The following TDRD3 variants were observed in gnomAD, a reference collection of about 807,000 sequenced individuals.
TDRD3 encodes the protein tudor domain-containing protein 3.
A neutral mutation model predicts 86.7 loss-of-function variants in TDRD3; 45 were observed. That is an observed-to-expected ratio of 0.52 (90% CI 0.41 to 0.67). The LOEUF is 0.67. Ranked by LOEUF, TDRD3 falls within the 30% of genes least tolerant of loss-of-function variation. TDRD3 has a pLI of 0.00. For synonymous variants in TDRD3, 298 were observed against 301.7 expected (o/e 0.99, Z 0.13); for missense variants, 814 against 889.0 (o/e 0.92, Z 1.07).
intron 1 of TDRD3, among the ~76,000 whole-genome samples, chr13:60,428,282 G>A (rs752124682): frequency 7.9e-5 from 12 of 151,196 alleles, no homozygotes; most frequent in Non-Finnish European, 1.0e-4. Context: ...CTTCTGTAAA[G>A]ACTGTCTCTA....
intron 1 of TDRD3, among the ~76,000 whole-genome samples, chr13:60,419,421 A>G (rs1472840199): frequency 6.6e-6 from 1 of 152,204 alleles, no homozygotes; most frequent in Non-Finnish European, 1.5e-5. Flanking sequence ...AAAATATGGA[A>G]CATATACACC....
intron 1 of TDRD3, among the ~76,000 whole-genome samples, chr13:60,436,706 G>A (rs1304510682): frequency 2.6e-5 from 4 of 152,142 alleles, no homozygotes; most frequent in Non-Finnish European, 5.9e-5. Flanking sequence ...GCAATGTGAT[G>A]TATGGGCCTT....
intron 5 of TDRD3, among the ~76,000 whole-genome samples, chr13:60,468,362 C>T (rs934018987): frequency 6.6e-6 from 1 of 152,120 alleles, no homozygotes; most frequent in Non-Finnish European, 1.5e-5. Context: ...CAAATCATCC[C>T]TGTGCTTTTA....
chr13:60,495,497 C>G (rs773062859), intron 8 of TDRD3, among the ~76,000 whole-genome samples: 22 of 151,186 alleles, frequency 1.5e-4, no homozygotes, highest in Non-Finnish European at 3.1e-4. Context: ...GCATTTCACT[C>G]TTGTTGCCCA....
intron 8 of TDRD3, among the ~76,000 whole-genome samples, chr13:60,507,370 C>T (rs748867310): frequency 1.3e-5 from 2 of 152,182 alleles, no homozygotes; most frequent in Non-Finnish European, 2.9e-5. Flanking sequence ...CAGAACTCTC[C>T]ACCTCTAATC....
intron 1 of TDRD3, among the ~76,000 whole-genome samples, chr13:60,415,265 T>A (rs1460029546): frequency 6.6e-6 from 1 of 152,110 alleles, no homozygotes; most frequent in Non-Finnish European, 1.5e-5. Context: ...GTTCTGAAAC[T>A]TTGAGAATTA....
At chr13:60,548,444 C>T (rs1049586043) in intron 12 of TDRD3, among the ~76,000 whole-genome samples, 2 of 152,154 alleles carry the variant, frequency 1.3e-5, no homozygotes, top group Admixed American at 6.5e-5. Flanking sequence ...GTCTGACTAT[C>T]TGTAAATAAT....
At chr13:60,519,497 G>T (rs1333021900) in intron 10 of TDRD3, among the ~76,000 whole-genome samples, 1 of 152,044 alleles carries the variant, frequency 6.6e-6, no homozygotes, top group Non-Finnish European at 1.5e-5. Flanking sequence ...AAATTACTCA[G>T]ATACATGTAT....
At chr13:60,469,336 C>T (rs961493701) in intron 5 of TDRD3, among the ~76,000 whole-genome samples, 4 of 151,532 alleles carry the variant, frequency 2.6e-5, no homozygotes, top group Admixed American at 2.6e-4. Context: ...ACTCTAATAC[C>T]TTATATAATT....
At chr13:60,501,923 T>C (rs1566249239) in intron 8 of TDRD3, among the ~76,000 whole-genome samples, 2 of 152,214 alleles carry the variant, frequency 1.3e-5, no homozygotes, top group Admixed American at 1.3e-4. Flanking sequence ...TTATTCCTGC[T>C]ATCAGGATAA....
chr13:60,457,802 C>CT (rs200008616), intron 3 of TDRD3, among the ~76,000 whole-genome samples: 6,786 of 152,254 alleles, frequency 0.045, 208 homozygotes, highest in Non-Finnish European at 0.064. Context: ...AGTCCTTGGC[C>CT]TTTTTTGGCT....
chr13:60,524,795 T>C (rs1311238878), intron 10 of TDRD3, among the ~76,000 whole-genome samples: 1 of 151,900 alleles, frequency 6.6e-6, no homozygotes, highest in Non-Finnish European at 1.5e-5. Context: ...GAAAACTAAC[T>C]TCTTTAAAAA....
chr13:60,532,404 C>T (rs1352056990), intron 11 of TDRD3, among the ~76,000 whole-genome samples: 3 of 151,956 alleles, frequency 2.0e-5, no homozygotes, highest in African/African-American at 2.4e-5. Context: ...TAAAGAATAC[C>T]CTGTGAAAGA....
chr13:60,490,556 T>C (rs1956563514), intron 7 of TDRD3, among the ~76,000 whole-genome samples: 1 of 152,200 alleles, frequency 6.6e-6, no homozygotes, highest in African/African-American at 2.4e-5. Context: ...GCCTTTGGAA[T>C]GTTTTGAGCA....
At chr13:60,543,693 A>G (rs538301226) in intron 12 of TDRD3, among the ~76,000 whole-genome samples, 3 of 152,138 alleles carry the variant, frequency 2.0e-5, no homozygotes, top group Admixed American at 6.5e-5. Flanking sequence ...GAGATTAAAT[A>G]TATAAACAGC....
chr13:60,469,419 AACAC>A (rs754243716), intron 5 of TDRD3, among the ~76,000 whole-genome samples: 1 of 149,456 alleles, frequency 6.7e-6, no homozygotes, highest in Non-Finnish European at 1.5e-5. Flanking sequence ...CCTTCTCACC[AACAC>A]ACACACACAC....
chr13:60,559,023 T>A (rs1361122824), intron 12 of TDRD3, among the ~76,000 whole-genome samples: 1 of 151,612 alleles, frequency 6.6e-6, no homozygotes, highest in African/African-American at 2.4e-5. Context: ...ATAAGCTAAG[T>A]TCCTGATTTT....
At chr13:60,448,104 A>G (rs1218031763) in intron 3 of TDRD3, among the ~76,000 whole-genome samples, 2 of 152,126 alleles carry the variant, frequency 1.3e-5, no homozygotes, top group Non-Finnish European at 2.9e-5. Context: ...CACAGTGTGT[A>G]TTATTATTTT....
chr13:60,467,433 A>G (rs1295698687), intron 5 of TDRD3, 54 bp downstream of exon 5: 1 of 1,581,866 alleles, frequency 6.3e-7, no homozygotes, highest in Non-Finnish European at 8.6e-7. Context: ...TTTTTATTGC[A>G]TTAAAGAGCT....
Sources: gnomAD v4.1 joint callset for allele counts (sites outside exome capture counted in the v4.1 genomes callset) on GRCh38, gnomAD v4.1.1 for gene constraint, MANE v1.5 for transcripts, NCBI Gene and HGNC (gene_info 2026-07-23, HGNC 2026-07-21) for gene names.